The following ERICH6B variants were observed in gnomAD, a reference collection of about 807,000 sequenced individuals.
The protein encoded by ERICH6B is glutamate rich 6B.
Under a neutral mutation model 80.0 loss-of-function variants are expected in ERICH6B, and 69 were observed. That is an observed-to-expected ratio of 0.86 (90% confidence interval 0.71 to 1.05). The LOEUF is 1.05. Among genes scored for constraint, ERICH6B ranks in the 50% least tolerant of loss-of-function variants. ERICH6B has a pLI of 0.00. For synonymous variants in ERICH6B, 283 were observed against 291.9 expected (o/e 0.97, Z 0.31); for missense variants, 754 against 796.1 (o/e 0.95, Z 0.64).
In ERICH6B at chr13:45,606,527, ATATATATATATATATATATATTTTT is replaced by A. The variant is rs1949863873; in HGVS notation, c.-59+1012_-59+1036del. ...TGTGTATATATATATATATATATAT[ATATATATATATATATATATATTTTT>A]TTTTTTTTTTTTTTTTTTGGAGACA... On this transcript the variant is annotated intron_variant, in intron 2 of 14. Transcript: ENST00000298738. 3.4e-4 allele frequency among the ~76,000 whole-genome samples: 11 copies of A among 31,934 alleles called. 1 individual carries two copies. The Admixed American group carries it at 3.9e-3, about 11-fold the overall frequency. 20.9% of individuals were successfully genotyped at this position (31,934 alleles called of 152,430 possible). A position where few individuals can be genotyped will look rare whatever the true frequency, so the allele number is the denominator to read the frequency against.
intron 7 of ERICH6B, among the ~76,000 whole-genome samples, chr13:45,576,550 A>G (rs972287030): frequency 1.3e-5 from 2 of 152,200 alleles, no homozygotes; most frequent in East Asian, 1.9e-4. Context: ...GAGAGGAGAA[A>G]TGAATGAACT....
At chr13:45,592,275 G>C (rs1876187151) in intron 3 of ERICH6B, among the ~76,000 whole-genome samples, 1 of 152,214 alleles carries the variant, frequency 6.6e-6, no homozygotes, top group East Asian at 1.9e-4. Context: ...TCTTTTGGGA[G>C]CACATTGGAG....
intron 5 of ERICH6B, among the ~76,000 whole-genome samples, chr13:45,585,932 A>T (rs1875881204): frequency 6.6e-6 from 1 of 152,158 alleles, no homozygotes; most frequent in East Asian, 1.9e-4. Flanking sequence ...TCTGTTGCAT[A>T]CCCCAGCCTT....
At chr13:45,590,402 A>G (rs1256736832) in intron 4 of ERICH6B, among the ~76,000 whole-genome samples, 1 of 151,988 alleles carries the variant, frequency 6.6e-6, no homozygotes, top group Non-Finnish European at 1.5e-5. Context: ...CCAAACTCAG[A>G]CGACCTCTGC....
At chr13:45,548,613 C>T (rs1874085827) in intron 13 of ERICH6B, among the ~76,000 whole-genome samples, 2 of 152,172 alleles carry the variant, frequency 1.3e-5, no homozygotes, top group African/African-American at 2.4e-5. Flanking sequence ...GTCTGTTTCT[C>T]ATCCAGATGC....
intron 2 of ERICH6B, among the ~76,000 whole-genome samples, chr13:45,601,140 G>T (rs986827308): frequency 6.6e-6 from 1 of 152,042 alleles, no homozygotes; most frequent in East Asian, 1.9e-4. Context: ...TTTCCTATCC[G>T]TTGATTCCCC....
At chr13:45,595,740 T>G (rs1156374573) in intron 3 of ERICH6B, among the ~76,000 whole-genome samples, 1 of 150,530 alleles carries the variant, frequency 6.6e-6, no homozygotes, top group Non-Finnish European at 1.5e-5. Context: ...AATCCTGGGC[T>G]CAAGTGATCC....
intron 3 of ERICH6B, among the ~76,000 whole-genome samples, chr13:45,593,880 T>G (rs1876256186): frequency 1.3e-5 from 2 of 152,210 alleles, no homozygotes; most frequent in Admixed American, 6.5e-5. Context: ...GCATGAGAGA[T>G]AAGCCCATTT....
chr13:45,599,622 A>C (rs570526506), intron 2 of ERICH6B, among the ~76,000 whole-genome samples: 3 of 152,272 alleles, frequency 2.0e-5, no homozygotes, highest in African/African-American at 7.2e-5. Context: ...TATTATTCTC[A>C]CTCAGGTAGA....
At chr13:45,562,470 C>G (rs767166852) in intron 10 of ERICH6B, among the ~76,000 whole-genome samples, 12 of 152,124 alleles carry the variant, frequency 7.9e-5, no homozygotes, top group Non-Finnish European at 8.8e-5. Context: ...AAAAACAAGC[C>G]TAGTGGCTTT....
At position 45,596,423 on chromosome 13, in the gene ERICH6B, C is replaced by G. The variant is rs1024047714; in HGVS notation, c.583G>C (p.Glu195Gln). 1 of 1,552,142 alleles carries G rather than the reference C, an allele frequency of 6.4e-7. No individual in the cohort carries two copies. The highest frequency in any genetic ancestry group is 1.4e-5 in the African/African-American group (1 of 73,138). The change falls in exon 3 of 15, where the codon GAG (glutamate) becomes CAG (glutamine). Residue 195 changes from glutamate (E) to glutamine (Q), a missense_variant. Glu to Gln is a conservative substitution (Grantham distance 29). Transcript: ENST00000298738. ...EENLEEEEALEKEENLDGKEN... is the reference protein window; with the variant it reads ...EENLEEEEALQKEENLDGKEN... ...TTTCCATCCAGATTCTCTTCCTTCT[C>G]CAGAGCTTCTTCCTCCTCCAGATTC...
intron 2 of ERICH6B, among the ~76,000 whole-genome samples, chr13:45,598,075 C>T (rs1021445656): frequency 2.0e-5 from 3 of 152,332 alleles, no homozygotes; most frequent in East Asian, 3.9e-4. Context: ...ATGTCACCTC[C>T]GTTCCATGCC....
chr13:45,554,377 C>G (rs1464579773), intron 11 of ERICH6B, among the ~76,000 whole-genome samples: 1 of 152,092 alleles, frequency 6.6e-6, no homozygotes, highest in Non-Finnish European at 1.5e-5. Context: ...TTGATAGAGA[C>G]TTGGTTTAAA....
In ERICH6B at chr13:45,550,262, T is replaced by C. The variant is rs1874164991; in HGVS notation, c.1462A>G (p.Ile488Val). The C allele has an allele frequency of 1.3e-6, 2 of 1,551,636 alleles. No homozygotes were observed. The highest frequency in any genetic ancestry group is 1.7e-6 in the Non-Finnish European group (2 of 1,146,926). ...ILYPNKNVYQILFPDGTGQIH... is the reference protein window; with the variant it reads ...ILYPNKNVYQVLFPDGTGQIH... The stretch of plus-strand genomic sequence containing the variant: ...TGGCCTGTCCCATCAGGAAAGAGAA[T>C]TTGATAGACATTCTTGTTGGGGTAG... The change falls in exon 12 of 15, where the codon ATT becomes GTT. Residue 488 changes from isoleucine (I) to valine (V), a missense_variant. Coordinates refer to ENST00000298738, the MANE Select transcript of ERICH6B (RefSeq NM_182542.3).
intron 11 of ERICH6B, among the ~76,000 whole-genome samples, chr13:45,556,073 A>G (rs536462929): frequency 8.6e-5 from 13 of 151,164 alleles, no homozygotes; most frequent in African/African-American, 2.9e-4. Context: ...TGATTACTCT[A>G]TAGGCATGAG....
intron 10 of ERICH6B, among the ~76,000 whole-genome samples, chr13:45,561,969 G>A (rs960468248): frequency 4.6e-5 from 7 of 152,206 alleles, no homozygotes; most frequent in Admixed American, 4.6e-4. Context: ...AGGTAAAATG[G>A]AAGTGTATAT....
chr13:45,604,049 C>A (rs779823521), intron 2 of ERICH6B, among the ~76,000 whole-genome samples: 4 of 152,168 alleles, frequency 2.6e-5, no homozygotes, highest in Non-Finnish European at 5.9e-5. Context: ...TGTTGTGGGC[C>A]AAGAGCTCTC....
At chr13:45,601,820 G>C (rs926221175) in intron 2 of ERICH6B, among the ~76,000 whole-genome samples, 1 of 152,206 alleles carries the variant, frequency 6.6e-6, no homozygotes, top group African/African-American at 2.4e-5. Flanking sequence ...GATACCCAGT[G>C]TCTGGGGCAA....
At chr13:45,546,703 C>T (rs1196384682) in intron 13 of ERICH6B, among the ~76,000 whole-genome samples, 4 of 152,110 alleles carry the variant, frequency 2.6e-5, no homozygotes, top group Admixed American at 6.5e-5. Context: ...ACAGACAAAC[C>T]GGGTTTGTCT....
Sources: gnomAD v4.1 joint callset for allele counts (sites outside exome capture counted in the v4.1 genomes callset) on GRCh38, gnomAD v4.1.1 for gene constraint, MANE v1.5 for transcripts, NCBI Gene and HGNC (gene_info 2026-07-23, HGNC 2026-07-21) for gene names.